The following CIMIP5 variants were observed in gnomAD, a reference collection of about 807,000 sequenced individuals.
CIMIP5 encodes ciliary microtubule inner protein 5.
the CIMIP5 span, among the ~76,000 whole-genome samples, chr2:11,153,679 G>A: frequency 6.6e-6 from 1 of 152,208 alleles, no homozygotes; most frequent in African/African-American, 2.4e-5. Context: ...GGGCGCGGTG[G>A]CTCATGCCTG....
chr2:11,134,596 T>C, the CIMIP5 span, among the ~76,000 whole-genome samples: 1 of 152,214 alleles, frequency 6.6e-6, no homozygotes, highest in African/African-American at 2.4e-5. Context: ...CCATGTCTGT[T>C]TTGTTAGTAT....
chr2:11,149,989 A>G, the CIMIP5 span, among the ~76,000 whole-genome samples: 1 of 152,188 alleles, frequency 6.6e-6, no homozygotes, highest in African/African-American at 2.4e-5. Flanking sequence ...CCCATTGCCC[A>G]GGTTGGAGTA....
chr2:11,148,587 G>A, the CIMIP5 span, among the ~76,000 whole-genome samples: 17 of 151,998 alleles, frequency 1.1e-4, no homozygotes, highest in South Asian at 3.5e-3. Flanking sequence ...ATGAAGAACA[G>A]TAATAGGCCA....
the CIMIP5 span, among the ~76,000 whole-genome samples, chr2:11,137,314 C>T: frequency 6.6e-6 from 1 of 151,978 alleles, no homozygotes; most frequent in Admixed American, 6.6e-5. Context: ...GCAGAGGCTG[C>T]AATCAGCCGA....
At chr2:11,144,983 T>A in the CIMIP5 span, 1 of 151,356 alleles carries the variant, frequency 6.6e-6, no homozygotes, top group African/African-American at 2.4e-5. Flanking sequence ...CCTGGCTAAT[T>A]TTTTTTTTAT....
the CIMIP5 span, chr2:11,140,520 T>G: frequency 6.4e-7 from 1 of 1,571,932 alleles, no homozygotes; most frequent in South Asian, 1.2e-5. Context: ...GATTCAGAAC[T>G]GGAGTTTCCT....
the CIMIP5 span, among the ~76,000 whole-genome samples, chr2:11,141,567 C>G: frequency 6.6e-6 from 1 of 152,342 alleles, no homozygotes; most frequent in Middle Eastern, 3.4e-3. Context: ...ATCTCACCTT[C>G]CTGGGCAGGC....
chr2:11,153,587 C>T, the CIMIP5 span, among the ~76,000 whole-genome samples: 1 of 152,204 alleles, frequency 6.6e-6, no homozygotes, highest in African/African-American at 2.4e-5. Context: ...AGTAAAACAC[C>T]TGGCACGCAG....
chr2:11,135,407 T>C, the CIMIP5 span, among the ~76,000 whole-genome samples: 1 of 152,172 alleles, frequency 6.6e-6, no homozygotes, highest in African/African-American at 2.4e-5. Context: ...CTAATAGGTG[T>C]GACGTGGTAT....
the CIMIP5 span, chr2:11,145,540 CAA>C: frequency 6.6e-6 from 1 of 152,298 alleles, no homozygotes; most frequent in Admixed American, 6.5e-5. Flanking sequence ...TTCATTCTTT[CAA>C]ACATCCGCAT....
At chr2:11,150,162 G>A in the CIMIP5 span, among the ~76,000 whole-genome samples, 3 of 151,872 alleles carry the variant, frequency 2.0e-5, no homozygotes, top group African/African-American at 7.3e-5. Flanking sequence ...TGGCCGGGCT[G>A]GTCTCGAACC....
At chr2:11,134,463 C>T in the CIMIP5 span, among the ~76,000 whole-genome samples, 1 of 152,184 alleles carries the variant, frequency 6.6e-6, no homozygotes. Flanking sequence ...AACTTCATAC[C>T]CGTTGATTAG....
At chr2:11,150,665 G>T in the CIMIP5 span, among the ~76,000 whole-genome samples, 9 of 151,784 alleles carry the variant, frequency 5.9e-5, no homozygotes, top group South Asian at 1.9e-3. Flanking sequence ...GAAGGTGGGG[G>T]AATGGCCACT....
the CIMIP5 span, among the ~76,000 whole-genome samples, chr2:11,147,399 G>C: frequency 6.6e-6 from 1 of 152,132 alleles, no homozygotes; most frequent in Non-Finnish European, 1.5e-5. Flanking sequence ...GAGCATTCAG[G>C]GAGTACTGAA....
the CIMIP5 span, among the ~76,000 whole-genome samples, chr2:11,153,254 G>T: frequency 8.1e-4 from 124 of 152,320 alleles, no homozygotes; most frequent in African/African-American, 2.8e-3. Flanking sequence ...AGAGCAGGCG[G>T]CTGCAGTGTC....
the CIMIP5 span, among the ~76,000 whole-genome samples, chr2:11,152,659 T>C: frequency 6.6e-6 from 1 of 152,018 alleles, no homozygotes; most frequent in African/African-American, 2.4e-5. Context: ...GGGGGCACTA[T>C]CTTGTCCTGC....
At chr2:11,133,836 C>CCGACTG in the CIMIP5 span, among the ~76,000 whole-genome samples, 2 of 152,174 alleles carry the variant, frequency 1.3e-5, no homozygotes, top group African/African-American at 4.8e-5. Context: ...CTCGTTCATT[C>CCGACTG]CGACTGCGAC....
the CIMIP5 span, among the ~76,000 whole-genome samples, chr2:11,153,135 C>T: frequency 2.0e-5 from 3 of 152,188 alleles, no homozygotes; most frequent in Admixed American, 1.3e-4. Context: ...CCCCGAAGGG[C>T]CACACACCCA....
At chr2:11,139,027 C>T in the CIMIP5 span, among the ~76,000 whole-genome samples, 1 of 152,110 alleles carries the variant, frequency 6.6e-6, no homozygotes, top group Admixed American at 6.5e-5. Flanking sequence ...AAGCGATTCT[C>T]CTGCCTCAGC....
Sources: allele counts gnomAD v4.1 joint callset (sites outside exome capture counted in the v4.1 genomes callset), GRCh38; gene constraint gnomAD v4.1.1; transcripts MANE v1.5; gene names NCBI Gene and HGNC (gene_info 2026-07-23, HGNC 2026-07-21).